Variants in CUBN observed in about 807,000 individuals in gnomAD.
CUBN encodes cubilin, also known as 460 kDa receptor.
Under a neutral mutation model 405.3 loss-of-function variants are expected in CUBN, and 282 were observed. The observed-to-expected ratio is 0.70, with a 90% confidence interval of 0.63 to 0.77. The LOEUF is 0.77. Ranked by LOEUF, CUBN falls within the 30% of genes least tolerant of loss-of-function variation. The probability of loss-of-function intolerance (pLI) is 0.00; values close to 1 mark genes in which losing one functional copy is unlikely to be tolerated. For missense variants in CUBN, 4,514 were observed against 4,475.2 expected (o/e 1.01, Z -0.25); for synonymous variants, 1,684 against 1,617.0 (o/e 1.04, Z -0.99).
intron 27 of CUBN, chr10:17,023,659 G>A (rs1384464169): frequency 2.2e-6 from 1 of 455,692 alleles, no homozygotes; most frequent in Non-Finnish European, 4.4e-6. Context: ...CAAGCAAGCT[G>A]GAGTGGCCCT....
chr10:17,015,420 G>C (rs1228397086), intron 28 of CUBN, among the ~76,000 whole-genome samples: 1 of 152,186 alleles, frequency 6.6e-6, no homozygotes, highest in Non-Finnish European at 1.5e-5. Flanking sequence ...GGCATAACAA[G>C]AAGGCATGTG....
intron 66 of CUBN, among the ~76,000 whole-genome samples, chr10:16,827,803 G>A (rs1419564643): frequency 1.3e-5 from 2 of 152,218 alleles, no homozygotes; most frequent in Non-Finnish European, 2.9e-5. Flanking sequence ...GTTTCCCCAT[G>A]TTGGCCAGTC....
chr10:17,005,580 T>C (rs538504778), intron 28 of CUBN, among the ~76,000 whole-genome samples: 3 of 152,348 alleles, frequency 2.0e-5, no homozygotes, highest in Non-Finnish European at 4.4e-5. Flanking sequence ...GATCAATTCT[T>C]GCCCATTCTT....
chr10:16,835,385 G>C (rs1274532020), intron 63 of CUBN, among the ~76,000 whole-genome samples, 190 bp from the exon 64 acceptor site: 1 of 152,174 alleles, frequency 6.6e-6, no homozygotes, highest in Non-Finnish European at 1.5e-5. Flanking sequence ...AGCACACACA[G>C]GTGCAATGCA....
chr10:16,863,273 A>T (rs1840069527), intron 59 of CUBN, among the ~76,000 whole-genome samples: 1 of 152,246 alleles, frequency 6.6e-6, no homozygotes, highest in Non-Finnish European at 1.5e-5. Flanking sequence ...GCTTAAAAAG[A>T]GCGGAAATAA....
chr10:16,833,498 A>C (rs1192192387), intron 64 of CUBN, among the ~76,000 whole-genome samples: 1 of 152,176 alleles, frequency 6.6e-6, no homozygotes, highest in African/African-American at 2.4e-5. Flanking sequence ...CAGGATGATA[A>C]AACTCCGCAT....
intron 30 of CUBN, among the ~76,000 whole-genome samples, chr10:16,983,614 T>A (rs544028393): frequency 1.3e-5 from 2 of 152,230 alleles, no homozygotes; most frequent in Admixed American, 6.5e-5. Flanking sequence ...TATGCTAACA[T>A]CTGTTACACT....
At chr10:16,855,226 G>T (rs1311678197) in intron 59 of CUBN, among the ~76,000 whole-genome samples, 1 of 151,584 alleles carries the variant, frequency 6.6e-6, no homozygotes, top group Non-Finnish European at 1.5e-5. Context: ...GATTACAGGT[G>T]CATGCCACCA....
At chr10:16,888,713 A>G in intron 55 of CUBN, 147 bp from the exon 56 acceptor site, 2 of 730,176 alleles carry the variant, frequency 2.7e-6, no homozygotes, top group East Asian at 5.2e-5. Flanking sequence ...GAAGAGAATA[A>G]AGCTCTGATT....
intron 60 of CUBN, among the ~76,000 whole-genome samples, chr10:16,849,153 T>C (rs940838625): frequency 6.6e-6 from 1 of 152,206 alleles, no homozygotes; most frequent in Non-Finnish European, 1.5e-5. Context: ...TTCTTCATCT[T>C]TCCCTTTCTT....
At chr10:17,121,084 T>A (rs1178561604) in intron 6 of CUBN, among the ~76,000 whole-genome samples, 1 of 152,196 alleles carries the variant, frequency 6.6e-6, no homozygotes, top group Non-Finnish European at 1.5e-5. Flanking sequence ...GAAAAAAGGC[T>A]TCATTTAAAT....
At position 17,109,589 on chromosome 10, in the gene CUBN, TAGA is replaced by T. The variant is rs1350420583; in HGVS notation, c.1111+48_1111+50del. The T allele has an allele frequency of 2.8e-6, 4 of 1,411,276 alleles. No individual in the cohort carries two copies. In the Admixed American group the frequency reaches 5.0e-5, roughly 18 times the overall value. 87.4% of individuals were successfully genotyped at this position (1,411,276 alleles called of 1,614,324 possible). On this transcript the variant is annotated intron_variant, in intron 10 of 66. Transcript: ENST00000377833. ...TTGTGTTTAAGATGTTGAATTGGTT[TAGA>T]AGGTCATATTACAATACCCAAAGCC...
chr10:16,851,527 G>A, intron 59 of CUBN, 84 bp from the exon 60 acceptor site: 2 of 1,254,326 alleles, frequency 1.6e-6, no homozygotes, highest in South Asian at 2.4e-5. Flanking sequence ...AAAGAACATA[G>A]TTTCCATTTT....
At chr10:17,087,338 T>C (rs1260903858) in intron 15 of CUBN, among the ~76,000 whole-genome samples, 1 of 152,112 alleles carries the variant, frequency 6.6e-6, no homozygotes, top group Non-Finnish European at 1.5e-5. Flanking sequence ...CCTTTTCTCC[T>C]CCTCCATATT....
chr10:16,826,742 G>C (rs59592617), intron 66 of CUBN, among the ~76,000 whole-genome samples: 6 of 152,008 alleles, frequency 3.9e-5, no homozygotes, highest in Non-Finnish European at 8.8e-5. Context: ...TCAGTGACTC[G>C]GTTTATACTT....
chr10:16,899,801 C>T (rs1841303337), intron 53 of CUBN, among the ~76,000 whole-genome samples: 1 of 152,144 alleles, frequency 6.6e-6, no homozygotes, highest in East Asian at 1.9e-4. Flanking sequence ...CAGGGATTCA[C>T]CTAAAACTCC....
At chr10:17,084,506 T>G in intron 16 of CUBN, 45 bp from the exon 17 acceptor site, 2 of 1,561,154 alleles carry the variant, frequency 1.3e-6, no homozygotes, top group South Asian at 2.3e-5. Context: ...ATGGCATTGC[T>G]CTGGCTTGCA....
At chr10:16,994,072 T>G (rs1394545434) in intron 28 of CUBN, among the ~76,000 whole-genome samples, 1 of 152,246 alleles carries the variant, frequency 6.6e-6, no homozygotes, top group Non-Finnish European at 1.5e-5. Flanking sequence ...ACATGGCATA[T>G]GCATACATAT....
At chr10:16,846,703 T>C (rs1420761129) in intron 60 of CUBN, among the ~76,000 whole-genome samples, 2 of 151,726 alleles carry the variant, frequency 1.3e-5, no homozygotes, top group South Asian at 2.1e-4. Context: ...TCCCAGCAAC[T>C]TGGGAGGCCG....
Sources: allele counts gnomAD v4.1 joint callset (sites outside exome capture counted in the v4.1 genomes callset), GRCh38; gene constraint gnomAD v4.1.1; transcripts MANE v1.5; gene names NCBI Gene and HGNC (gene_info 2026-07-23, HGNC 2026-07-21).